Variants in TMEM260 observed in about 807,000 individuals in gnomAD.
TMEM260 encodes protein O-mannosyl-transferase TMEM260.
A neutral mutation model predicts 88.9 loss-of-function variants in TMEM260; 82 were observed. The ratio of observed to expected loss-of-function variants is 0.92; its 90% CI spans 0.77 to 1.11. The LOEUF is 1.11. Among genes scored for constraint, TMEM260 ranks in the 50% least tolerant of loss-of-function variants. TMEM260 has a pLI of 0.00. For synonymous variants in TMEM260, 314 were observed against 309.3 expected, an observed-to-expected ratio of 1.02 and a Z score of -0.16; for missense variants, 902 against 853.4, an observed-to-expected ratio of 1.06 and a Z score of -0.71.
At chr14:56,656,529 T>TTA in the TMEM260 span, among the ~76,000 whole-genome samples, 3 of 152,192 alleles carry the variant, frequency 2.0e-5, no homozygotes, top group African/African-American at 7.2e-5. Flanking sequence ...AAAAGGTTAA[T>TTA]ATTTATAAAG....
downstream of TMEM260, among the ~76,000 whole-genome samples, chr14:56,652,613 T>G (rs947619814): frequency 3.9e-5 from 6 of 152,016 alleles, no homozygotes; most frequent in African/African-American, 1.4e-4. Context: ...ATCAAAAAAC[T>G]AGGGTTCCTT....
intron 3 of TMEM260, 120 bp downstream of exon 3, chr14:56,586,032 CACTTTCTTAATTTATAAT>C (rs1337833552): frequency 3.8e-6 from 4 of 1,043,382 alleles, no homozygotes; most frequent in Non-Finnish European, 4.1e-6. Context: ...CATGTGATTT[CACTTTCTTAATTTATAAT>C]ACTTTCATAT....
chr14:56,618,714 T>C lies in TMEM260; in HGVS notation c.1177T>C (p.Trp393Arg). ...LNSNGLQCLE[W>R]LSATLFVVYQ... is the part of the protein sequence containing the mutation. ...TAGCAATGGGCTTCAGTGTCTGGAA[T>C]GGCTTTCTGCAACTCTTTTTGTAGT... is the stretch of plus-strand genomic sequence containing the variant. The change falls in exon 10 of 16, where the codon TGG (tryptophan) becomes CGG (arginine). Residue 393 changes from tryptophan to arginine, a missense_variant. Trp to Arg is a moderately radical substitution (Grantham distance 101). Coordinates refer to ENST00000261556, the MANE Select transcript of TMEM260 (RefSeq NM_017799.4). 6.2e-7 allele frequency: 1 copy of C among 1,614,230 alleles called. No homozygotes were observed. Among genetic ancestry groups the C allele is most frequent in the Non-Finnish European group, 8.5e-7 (1 of 1,180,042 alleles).
chr14:56,602,199 T>C (rs768665442), intron 3 of TMEM260, among the ~76,000 whole-genome samples: 3 of 152,162 alleles, frequency 2.0e-5, no homozygotes, highest in Non-Finnish European at 4.4e-5. Context: ...ATACTATAGA[T>C]GTACAGAATG....
intron 1 of TMEM260, among the ~76,000 whole-genome samples, chr14:56,580,826 G>A (rs1885080758): frequency 6.6e-6 from 1 of 152,184 alleles, no homozygotes; most frequent in African/African-American, 2.4e-5. Context: ...GCCATATCAT[G>A]GCCAGTAATT....
At chr14:56,606,009 C>T (rs959565089) in intron 5 of TMEM260, among the ~76,000 whole-genome samples, 2 of 152,092 alleles carry the variant, frequency 1.3e-5, no homozygotes, top group Non-Finnish European at 2.9e-5. Flanking sequence ...AGTGGTGTGC[C>T]ATCATACTTC....
intron 3 of TMEM260, chr14:56,593,294 A>C (rs1236183073): frequency 6.6e-6 from 1 of 152,160 alleles, no homozygotes; most frequent in African/African-American, 2.4e-5. Flanking sequence ...CCAGTGGAGA[A>C]TTTCTGTCAT....
Position 56,579,847 on chromosome 14 carries a change from TGGGGAGCTCC to T in TMEM260, c.-66_-57del. 8.2e-7 allele frequency: 1 copy of T among 1,214,810 alleles called. No individual in the cohort carries two copies. Among genetic ancestry groups the T allele is most frequent in the Non-Finnish European group, 1.0e-6 (1 of 972,978 alleles). The allele number at this position is 1,214,810 out of a possible 1,614,324, so 75.3% of individuals were successfully genotyped here. A position where few individuals can be genotyped will look rare whatever the true frequency, so the allele number is the denominator to read the frequency against. On this transcript the variant is annotated 5_prime_UTR_variant, in exon 1 of 16. Transcript: ENST00000261556. The stretch of plus-strand genomic sequence containing the variant: ...GCACAAGCTGCGCTCGTCTCTCGGC[TGGGGAGCTCC>T]GTGTCGCACCGGGTTCTTGGGCTGG...
Position 56,635,895 on chromosome 14 carries a change from G to T in TMEM260, c.1779-613G>T, listed in dbSNP as rs142543941. On this transcript the variant is annotated intron_variant, in intron 14 of 15. Transcript: ENST00000261556. ...TGCAATAGTATTTTTGAATAAGTCA[G>T]AAAATAGCATATTTTAAGTTGTCAT... is the stretch of plus-strand genomic sequence containing the variant. 1.2e-4 allele frequency among the ~76,000 whole-genome samples: 18 copies of T among 152,166 alleles called. No homozygotes were observed. In the East Asian group the frequency reaches 3.3e-3, roughly 28 times the overall value.
intron 7 of TMEM260, 81 bp downstream of exon 7, chr14:56,612,366 A>G: frequency 8.3e-7 from 1 of 1,206,726 alleles, no homozygotes; most frequent in Non-Finnish European, 1.2e-6. Flanking sequence ...TTCTGAGTTC[A>G]TCTCTTTGTA....
At chr14:56,580,330 C>T (rs557960477) in intron 1 of TMEM260, among the ~76,000 whole-genome samples, 1 of 152,344 alleles carries the variant, frequency 6.6e-6, no homozygotes, top group South Asian at 2.1e-4. Flanking sequence ...ATCGACCTCT[C>T]CACTTCCCCA....
chr14:56,612,454 T>C, intron 7 of TMEM260, 169 bp downstream of exon 7: 1 of 626,610 alleles, frequency 1.6e-6, no homozygotes, highest in South Asian at 2.0e-5. Flanking sequence ...TCAGTATCCA[T>C]GGGGTATTGG....
At chr14:56,639,360 C>T (rs921223957) in intron 15 of TMEM260, among the ~76,000 whole-genome samples, 10 of 152,016 alleles carry the variant, frequency 6.6e-5, no homozygotes, top group Admixed American at 1.3e-4. Context: ...GATGGATACC[C>T]CATTTACTCT....
intron 13 of TMEM260, among the ~76,000 whole-genome samples, chr14:56,634,223 C>T (rs982513187): frequency 2.6e-5 from 4 of 152,156 alleles, no homozygotes; most frequent in Admixed American, 2.6e-4. Context: ...AGGCTGATCC[C>T]CTTGTTTCAC....
chr14:56,613,301 T>C (rs1887398895), intron 7 of TMEM260: 1 of 152,204 alleles, frequency 6.6e-6, no homozygotes, highest in Admixed American at 6.5e-5. Context: ...TTATGAGTTC[T>C]CACAGTTTCG....
intron 6 of TMEM260, among the ~76,000 whole-genome samples, chr14:56,611,841 A>T (rs1172332740): frequency 6.6e-6 from 1 of 152,190 alleles, no homozygotes; most frequent in Non-Finnish European, 1.5e-5. Context: ...CATATACACC[A>T]TGGAATACTA....
chr14:56,605,529 G>T (rs369707939), intron 4 of TMEM260, 41 bp from the exon 5 acceptor site: 3 of 1,138,894 alleles, frequency 2.6e-6, no homozygotes, highest in Non-Finnish European at 3.7e-6. Flanking sequence ...AGAGTTTTAG[G>T]TGAATTTTTT....
chr14:56,632,019 C>T (rs1888644016), intron 12 of TMEM260, among the ~76,000 whole-genome samples: 1 of 152,146 alleles, frequency 6.6e-6, no homozygotes. Flanking sequence ...GGTAACACTA[C>T]CAGGTACCCA....
rs1380153673 is a variant in TMEM260 at position 56,648,072 on chromosome 14, G to C, written c.*575G>C. The C allele has an allele frequency of 1.3e-5, 2 of 151,172 alleles. No homozygotes were observed. Among genetic ancestry groups the C allele is most frequent in the Non-Finnish European group, 2.9e-5 (2 of 67,860 alleles). The allele number at this position is 151,172 out of a possible 1,614,324, so 9.4% of individuals were successfully genotyped here. A position where few individuals can be genotyped will look rare whatever the true frequency, so the allele number is the denominator to read the frequency against. ...TGTTTTACTGTCTTAGATCGTTCTT[G>C]GAAATCACTAAAAAAAAAAAAAGTT... On this transcript the variant is annotated 3_prime_UTR_variant, in exon 16 of 16. Coordinates refer to ENST00000261556, the MANE Select transcript of TMEM260 (RefSeq NM_017799.4).
Sources: allele counts gnomAD v4.1 joint callset (sites outside exome capture counted in the v4.1 genomes callset), GRCh38; gene constraint gnomAD v4.1.1; transcripts MANE v1.5; gene names NCBI Gene and HGNC (gene_info 2026-07-23, HGNC 2026-07-21).